Variants in CNBD1 observed in about 807,000 individuals in gnomAD.
The protein encoded by CNBD1 is cyclic nucleotide-binding domain-containing protein 1.
CNBD1 carries 71 observed loss-of-function variants against 54.4 expected under a neutral mutation model. The observed-to-expected ratio is 1.30, with a 90% CI of 1.08 to 1.59. CNBD1 has a LOEUF of 1.59. Among genes scored for constraint, CNBD1 ranks in the 40% most tolerant of loss-of-function variants. CNBD1 has a pLI of 0.00. For missense variants in CNBD1, 659 were observed against 518.0 expected, an observed-to-expected ratio of 1.27 and a Z score of -2.64; for synonymous variants, 182 against 170.7, an observed-to-expected ratio of 1.07 and a Z score of -0.51.
rs568830394 is a variant in CNBD1, at chr8:87,182,868, C to A, written c.432-23125C>A. Among the ~76,000 whole-genome samples the A allele has an allele frequency of 1.1e-4, 16 of 151,988 alleles. No homozygotes were observed. Among genetic ancestry groups the A allele is most frequent in the Non-Finnish European group, 1.5e-4 (10 of 67,970 alleles). On this transcript the variant is annotated intron_variant, in intron 4 of 10. Coordinates refer to ENST00000518476, the MANE Select transcript of CNBD1 (RefSeq NM_173538.3). This position sits in a 1 kb window ranked among gnomAD's most constrained non-coding sequence, Gnocchi z 4.1. Reference sequence around the variant, plus strand: ...TTTCTGCCTATTCAGCTGATAATTTCTTTCTTTCTTTGTCCTGTGCAGAAC... The same window carrying A: ...TTTCTGCCTATTCAGCTGATAATTTATTTCTTTCTTTGTCCTGTGCAGAAC...
intron 8 of CNBD1, among the ~76,000 whole-genome samples, chr8:87,337,745 G>A (rs7814904): frequency 3.2e-3 from 489 of 152,352 alleles, no homozygotes; most frequent in African/African-American, 0.011. Context: ...GCTCTCAGGT[G>A]AGCTGTTGCA....
At chr8:87,418,110 G>T (rs959550460) in intron 2 of CNBD1, among the ~76,000 whole-genome samples, 1 of 151,836 alleles carries the variant, frequency 6.6e-6, no homozygotes, top group Non-Finnish European at 1.5e-5. Context: ...TCTTGAAAAA[G>T]AATATGACAC....
At chr8:87,014,939 C>T (rs1053528454) in intron 4 of CNBD1, among the ~76,000 whole-genome samples, 3 of 151,792 alleles carry the variant, frequency 2.0e-5, no homozygotes, top group Non-Finnish European at 4.4e-5. Context: ...AAAATAACTG[C>T]GTTGTTCAAG....
At chr8:86,910,283 C>T (rs796862324) in intron 3 of CNBD1, among the ~76,000 whole-genome samples, 48 of 152,298 alleles carry the variant, frequency 3.2e-4, no homozygotes, top group African/African-American at 1.1e-3. Context: ...TACTTCTCAT[C>T]CCTGCTCATA....
intron 8 of CNBD1, among the ~76,000 whole-genome samples, chr8:87,288,750 T>C (rs1439573222): frequency 1.3e-5 from 2 of 152,126 alleles, no homozygotes; most frequent in Non-Finnish European, 2.9e-5. Flanking sequence ...TGTGAGTCTA[T>C]TGAATAAGTC....
At chr8:87,273,462 A>G (rs1355866967) in intron 6 of CNBD1, among the ~76,000 whole-genome samples, 1 of 152,002 alleles carries the variant, frequency 6.6e-6, no homozygotes, top group African/African-American at 2.4e-5. Context: ...TCTGAAACAA[A>G]TTCAAAATAA....
intron 4 of CNBD1, among the ~76,000 whole-genome samples, chr8:87,055,712 C>T (rs1810399425): frequency 6.6e-6 from 1 of 151,866 alleles, no homozygotes; most frequent in Non-Finnish European, 1.5e-5. Context: ...ACCTCACTTC[C>T]TTCCTTCCTT....
intron 4 of CNBD1, among the ~76,000 whole-genome samples, chr8:87,007,477 CTA>C (rs1809127231): frequency 6.6e-6 from 1 of 151,988 alleles, no homozygotes; most frequent in Non-Finnish European, 1.5e-5. Flanking sequence ...GCCCTCAGTG[CTA>C]TGTTTTAGCA....
intron 2 of CNBD1, among the ~76,000 whole-genome samples, chr8:87,411,397 C>CTTATAT (rs1554588017): frequency 1.1e-5 from 1 of 92,412 alleles, no homozygotes; most frequent in African/African-American, 4.3e-5. Context: ...CTAGCTATAT[C>CTTATAT]ATATATATAT....
chr8:86,998,855 C>T (rs1202097757), intron 4 of CNBD1, among the ~76,000 whole-genome samples: 1 of 152,170 alleles, frequency 6.6e-6, no homozygotes, highest in African/African-American at 2.4e-5. Flanking sequence ...TTTATGTCTA[C>T]AAATGAGTCT....
intron 4 of CNBD1, among the ~76,000 whole-genome samples, chr8:86,961,433 A>G (rs1324047817): frequency 6.6e-6 from 1 of 152,264 alleles, no homozygotes; most frequent in African/African-American, 2.4e-5. Flanking sequence ...CCCTGGATAC[A>G]TGCAATGCAA....
chr8:87,226,088 C>A (rs954024772), intron 5 of CNBD1, among the ~76,000 whole-genome samples: 2 of 152,038 alleles, frequency 1.3e-5, no homozygotes, highest in African/African-American at 2.4e-5. Flanking sequence ...GTGGTGATAT[C>A]CCCTTTACCA....
At chr8:87,320,068 A>G (rs1024345129) in intron 8 of CNBD1, among the ~76,000 whole-genome samples, 18 of 152,146 alleles carry the variant, frequency 1.2e-4, no homozygotes, top group African/African-American at 4.3e-4. Flanking sequence ...CATCTGAACA[A>G]AAATATATTG....
intron 8 of CNBD1, among the ~76,000 whole-genome samples, chr8:87,343,549 T>C (rs574670283): frequency 6.6e-6 from 1 of 152,320 alleles, no homozygotes; most frequent in African/African-American, 2.4e-5. Context: ...ACATGTAACT[T>C]ATAACTATAC....
chr8:87,126,084 G>A (rs183647040), intron 4 of CNBD1, among the ~76,000 whole-genome samples: 10 of 151,908 alleles, frequency 6.6e-5, no homozygotes, highest in Non-Finnish European at 1.2e-4. Flanking sequence ...TTGTGGGTGG[G>A]CATTTCAATT....
intron 6 of CNBD1, among the ~76,000 whole-genome samples, chr8:87,274,141 G>A (rs1429817891): frequency 6.6e-6 from 1 of 151,842 alleles, no homozygotes; most frequent in Non-Finnish European, 1.5e-5. Context: ...TAGTGTATAT[G>A]TGCCACATTT....
chr8:87,348,229 A>T (rs1810213423), intron 8 of CNBD1, among the ~76,000 whole-genome samples: 3 of 152,176 alleles, frequency 2.0e-5, no homozygotes, highest in Admixed American at 2.0e-4. Context: ...CTTATCTTTA[A>T]GAATTTGCTC....
At chr8:87,427,437 G>T (rs1222015644) in intron 2 of CNBD1, among the ~76,000 whole-genome samples, 1 of 152,020 alleles carries the variant, frequency 6.6e-6, no homozygotes, top group Non-Finnish European at 1.5e-5. Flanking sequence ...CCGATATGTA[G>T]TCTGGCTTAA....
intron 2 of CNBD1, among the ~76,000 whole-genome samples, chr8:87,400,139 G>A (rs933330118): frequency 1.8e-4 from 27 of 151,848 alleles, no homozygotes; most frequent in African/African-American, 6.3e-4. Flanking sequence ...GACTCCCGAG[G>A]ATTCTCATAG....
Sources: gnomAD v4.1 joint callset for allele counts (sites outside exome capture counted in the v4.1 genomes callset) on GRCh38, gnomAD v4.1.1 for gene constraint, Gnocchi (gnomAD v3.1) non-coding constraint, MANE v1.5 for transcripts, NCBI Gene and HGNC (gene_info 2026-07-23, HGNC 2026-07-21) for gene names.